Variants in POU3F3 observed in about 807,000 individuals in gnomAD.
The protein encoded by POU3F3 is POU class 3 homeobox 3, also known as POU domain, class 3, transcription factor 3.
A neutral mutation model predicts 8.6 loss-of-function variants in POU3F3; 1 was observed. That is an observed-to-expected ratio of 0.12 (90% CI 0.04 to 0.55). The LOEUF is 0.55. POU3F3 is among the 20% of genes least tolerant of loss of function. The probability of loss-of-function intolerance (pLI) is 0.91; values close to 1 mark genes in which losing one functional copy is unlikely to be tolerated. For missense variants in POU3F3, 577 were observed against 690.7 expected, an observed-to-expected ratio of 0.84 and a Z score of 1.84; for synonymous variants, 418 against 327.4, an observed-to-expected ratio of 1.28 and a Z score of -2.99.
chr2:104,865,200 C>G, the POU3F3 span, among the ~76,000 whole-genome samples: 6 of 152,164 alleles, frequency 3.9e-5, no homozygotes, highest in Non-Finnish European at 8.8e-5. Flanking sequence ...GAAGTTTTCT[C>G]TAAGTGAATC....
At chr2:104,905,019 G>T in the POU3F3 span, among the ~76,000 whole-genome samples, 2 of 152,208 alleles carry the variant, frequency 1.3e-5, no homozygotes, top group East Asian at 3.9e-4. Flanking sequence ...CAACCCCATG[G>T]GTATTTAACC....
At chr2:104,870,293 G>C in the POU3F3 span, among the ~76,000 whole-genome samples, 7 of 152,194 alleles carry the variant, frequency 4.6e-5, no homozygotes, top group African/African-American at 1.7e-4. Flanking sequence ...AATTAACTCT[G>C]ACAAATAGAA....
the POU3F3 span, chr2:104,926,025 G>A: frequency 1.3e-5 from 2 of 152,070 alleles, no homozygotes; most frequent in Admixed American, 1.3e-4. Flanking sequence ...ATAGAAGATT[G>A]TCCTCACCAT....
At chr2:104,902,995 T>C in the POU3F3 span, among the ~76,000 whole-genome samples, 1 of 152,206 alleles carries the variant, frequency 6.6e-6, no homozygotes, top group Non-Finnish European at 1.5e-5. Context: ...TTGTATTCCT[T>C]TTAGAATGTA....
In POU3F3 at chr2:104,855,790, G is replaced by C; in HGVS notation, c.280G>C (p.Ala94Pro). 7.7e-7 allele frequency: 1 copy of C among 1,301,848 alleles called. No homozygotes were observed. The highest frequency in any genetic ancestry group is 4.7e-5 in the East Asian group (1 of 21,300). The allele number at this position is 1,301,848 out of a possible 1,614,324, so 80.6% of individuals were successfully genotyped here. Reference protein sequence around the residue: ...ASNGGHMLSHAHQWVTALPHA... With the variant: ...ASNGGHMLSHPHQWVTALPHA... ...CAACGGCGGCCATATGCTGAGCCAC[G>C]CGCACCAGTGGGTCACAGCCCTGCC... Residue 94 changes from alanine to proline, a missense_variant, in exon 1 of 1, where the codon GCG becomes CCG. This residue lies in a region of POU3F3 where 484 missense variants were observed against 422.6 expected (regional missense o/e 1.15). Transcript: ENST00000361360.
At position 104,855,434 on chromosome 2, in the gene POU3F3, C is replaced by CG. The variant is rs1364741199; in HGVS notation, c.-75dup. 1.4e-6 allele frequency: 1 copy of CG among 709,904 alleles called. No individual in the cohort carries two copies. The highest frequency in any genetic ancestry group is 2.3e-5 in the African/African-American group (1 of 44,170). The allele number at this position is 709,904 out of a possible 1,614,324, so 44.0% of individuals were successfully genotyped here. ...GAGGCGGGGGGCGCGGCGGCGGCGG[C>CG]GGCGGCGGCGGCCGCGGCTGCTGCT... On this transcript the variant is annotated 5_prime_UTR_variant, in exon 1 of 1. Coordinates refer to ENST00000361360, the MANE Select transcript of POU3F3 (RefSeq NM_006236.3).
At position 104,856,385 on chromosome 2, in the gene POU3F3, C is replaced by T. The variant is rs752015441; in HGVS notation, c.875C>T (p.Pro292Leu). 4 of 1,560,570 alleles carry T rather than the reference C, an allele frequency of 2.6e-6. No homozygotes were observed. Among genetic ancestry groups the T allele is most frequent in the African/African-American group, 2.7e-5 (2 of 73,430 alleles). Residue 292 changes from proline to leucine, a missense_variant, in exon 1 of 1, where the codon CCG becomes CTG. This residue lies in a region of POU3F3 where 484 missense variants were observed against 422.6 expected (regional missense o/e 1.15). Transcript: ENST00000361360. ...PPHPHHAQGP[P>L]HHGGGGGGAG... ...CACCCGCACCACGCGCAGGGACCCC[C>T]GCACCACGGCGGCGGCGGCGGCGGC...
chr2:104,857,038 C>T lies in POU3F3; in HGVS notation c.*25C>T, dbSNP rs755813141. On this transcript the variant is annotated 3_prime_UTR_variant, in exon 1 of 1. Coordinates refer to ENST00000361360, the MANE Select transcript of POU3F3 (RefSeq NM_006236.3). ...AAGCCAGGGCGCAGAGCGAAGAGGGCCGCCGCCGCCGCCGCCTCCGCAGCC... is the reference window on the plus strand; with the variant it reads ...AAGCCAGGGCGCAGAGCGAAGAGGGTCGCCGCCGCCGCCGCCTCCGCAGCC... The T allele has an allele frequency of 9.3e-6, 13 of 1,395,602 alleles. No homozygotes were observed. The South Asian group carries it at 1.1e-4, about 11-fold the overall frequency. 86.5% of individuals were successfully genotyped at this position (1,395,602 alleles called of 1,614,324 possible).
At position 104,857,131 on chromosome 2, in the gene POU3F3, C is replaced by T; in HGVS notation, c.*118C>T. ...GCCGCCGCCGCTGCCGCCGCCGCGC[C>T]GACCCTGCACCTGGGCCGCTCCGGG... On this transcript the variant is annotated 3_prime_UTR_variant, in exon 1 of 1. Transcript: ENST00000361360. The T allele has an allele frequency of 2.1e-6, 2 of 959,344 alleles. No homozygotes were observed. Among genetic ancestry groups the T allele is most frequent in the Middle Eastern group, 5.3e-4 (1 of 1,880 alleles). 59.4% of individuals were successfully genotyped at this position (959,344 alleles called of 1,614,324 possible). A position where few individuals can be genotyped will look rare whatever the true frequency, so the allele number is the denominator to read the frequency against.
In POU3F3 at chr2:104,858,300, T is replaced by C. The variant is rs1320233189; in HGVS notation, c.*1287T>C. ...GGCAATATAGAATTGTTAGATCCGTTGTTGATCTAAAAATATTTGCTTTAT... is the reference window on the plus strand; with the variant it reads ...GGCAATATAGAATTGTTAGATCCGTCGTTGATCTAAAAATATTTGCTTTAT... On this transcript the variant is annotated 3_prime_UTR_variant, in exon 1 of 1. Transcript: ENST00000361360. 1 of 152,228 alleles carries C rather than the reference T, an allele frequency of 6.6e-6. No individual in the cohort carries two copies. Among genetic ancestry groups the C allele is most frequent in the Non-Finnish European group, 1.5e-5 (1 of 68,046 alleles). 9.4% of individuals were successfully genotyped at this position (152,228 alleles called of 1,614,324 possible). A position where few individuals can be genotyped will look rare whatever the true frequency, so the allele number is the denominator to read the frequency against.
chr2:104,865,411 G>C, the POU3F3 span: 3 of 152,226 alleles, frequency 2.0e-5, no homozygotes, highest in African/African-American at 7.2e-5. Flanking sequence ...AATGATCACT[G>C]CTGCCCATGT....
the POU3F3 span, among the ~76,000 whole-genome samples, chr2:104,927,632 C>A: frequency 8.9e-6 from 1 of 112,616 alleles, no homozygotes; most frequent in Non-Finnish European, 1.8e-5. Context: ...CGGCATGCAC[C>A]TGTAAGTCTG....
the POU3F3 span, among the ~76,000 whole-genome samples, chr2:104,880,264 GC>G: frequency 1.3e-4 from 20 of 152,274 alleles, no homozygotes; most frequent in African/African-American, 3.9e-4. Context: ...GATTCCTCGT[GC>G]CAGATTCTCC....
chr2:104,901,525 G>A, the POU3F3 span, among the ~76,000 whole-genome samples: 1 of 152,204 alleles, frequency 6.6e-6, no homozygotes, highest in Admixed American at 6.5e-5. Context: ...TTACCACGGT[G>A]ACAGCATGTC....
At chr2:104,874,987 A>G in the POU3F3 span, among the ~76,000 whole-genome samples, 1 of 152,060 alleles carries the variant, frequency 6.6e-6, no homozygotes, top group Admixed American at 6.5e-5. Context: ...TAATAATTAT[A>G]ATTCCCATTT....
In POU3F3 at chr2:104,854,830, A is replaced by G. The variant is rs1006740921; in HGVS notation, c.-681A>G. ...TACTACTCTAAGGGAAAACGAGTGA[A>G]ATGTGTTCCTGAGGAGGAGAGGAGA... On this transcript the variant is annotated 5_prime_UTR_variant, in exon 1 of 1. Coordinates refer to ENST00000361360, the MANE Select transcript of POU3F3 (RefSeq NM_006236.3). This position sits in a 1 kb window ranked among gnomAD's most constrained non-coding sequence, Gnocchi z 4.5. Among the ~76,000 whole-genome samples the G allele has an allele frequency of 5.3e-5, 8 of 152,188 alleles. No homozygotes were observed. Among genetic ancestry groups the G allele is most frequent in the African/African-American group, 1.4e-4 (6 of 41,450 alleles).
the POU3F3 span, among the ~76,000 whole-genome samples, chr2:104,876,392 A>G: frequency 6.6e-6 from 1 of 152,134 alleles, no homozygotes; most frequent in East Asian, 1.9e-4. Flanking sequence ...CCACTGTGCA[A>G]GCAGGAAGGC....
At chr2:104,913,128 C>T in the POU3F3 span, among the ~76,000 whole-genome samples, 2 of 152,088 alleles carry the variant, frequency 1.3e-5, no homozygotes, top group East Asian at 3.9e-4. Context: ...GCCTTGTTCT[C>T]CAGCCCGCAG....
chr2:104,884,642 T>C, the POU3F3 span, among the ~76,000 whole-genome samples: 1 of 152,204 alleles, frequency 6.6e-6, no homozygotes, highest in African/African-American at 2.4e-5. Flanking sequence ...CCTCTAGCCC[T>C]GTAAAAACCA....
Sources: allele counts gnomAD v4.1 joint callset (sites outside exome capture counted in the v4.1 genomes callset), GRCh38; gene constraint gnomAD v4.1.1; regional missense constraint gnomAD v4.1.1; non-coding constraint Gnocchi (gnomAD v3.1); transcripts MANE v1.5; gene names NCBI Gene and HGNC (gene_info 2026-07-23, HGNC 2026-07-21).